Variants in OR4A16 observed in about 807,000 individuals in gnomAD.
The protein encoded by OR4A16 is olfactory receptor family 4 subfamily A member 16.
For missense variants in OR4A16, 594 were observed against 390.9 expected (o/e 1.52, Z -4.38); for synonymous variants, 210 against 138.6 (o/e 1.51, Z -3.62).
chr11:55,343,991 C>T lies in OR4A16; in HGVS notation c.791C>T (p.Pro264Leu), dbSNP rs138375517. 4 of 1,613,232 alleles carry T rather than the reference C, an allele frequency of 2.5e-6. No homozygotes were observed. Among genetic ancestry groups the T allele is most frequent in the African/African-American group, 2.7e-5 (2 of 74,868 alleles). Reference protein sequence around the residue: ...FMYVRPVSNFPFDKLMTVFYS... With the variant: ...FMYVRPVSNFLFDKLMTVFYS... Reference sequence around the variant, plus strand: ...TATGTTAGACCCGTTTCCAACTTTCCCTTTGATAAATTAATGACTGTGTTT... The same window carrying T: ...TATGTTAGACCCGTTTCCAACTTTCTCTTTGATAAATTAATGACTGTGTTT... Residue 264 changes from proline to leucine, a missense_variant, in exon 1 of 1, where the codon CCC (proline) becomes CTC (leucine). Coordinates refer to ENST00000314721, the MANE Select transcript of OR4A16 (RefSeq NM_001005274.1).
chr11:55,343,653 T>A lies in OR4A16; in HGVS notation c.453T>A (p.Phe151Leu). The change falls in exon 1 of 1, where the codon TTT (phenylalanine) becomes TTA (leucine). Residue 151 changes from phenylalanine to leucine, a missense_variant. Physicochemically the swap from Phe to Leu is conservative, Grantham distance 22 (BLOSUM62 0). Transcript: ENST00000314721. ...TGGTGGTGGCCATGATTGGAGGTTT[T>A]GTGCACTCTGTGGTTCAAATTGTCT... ...LLLVVAMIGG[F>L]VHSVVQIVFL... is the part of the protein sequence containing the mutation. The A allele has an allele frequency of 6.2e-7, 1 of 1,613,930 alleles. No individual in the cohort carries two copies. Among genetic ancestry groups the A allele is most frequent in the Non-Finnish European group, 8.5e-7 (1 of 1,179,906 alleles).
Position 55,343,313 on chromosome 11 carries a change from T to A in OR4A16, c.113T>A (p.Val38Glu). Reference protein sequence around the residue: ...MFLLIYIVTMVGNLLIWVTTI... With the variant: ...MFLLIYIVTMEGNLLIWVTTI... ...TTACTCATATACATTGTGACAATGG[T>A]GGGAAACCTCCTCATTTGGGTGACT... is the stretch of plus-strand genomic sequence containing the variant. Residue 38 changes from valine (V) to glutamate (E), a missense_variant, in exon 1 of 1, where the codon GTG becomes GAG. Coordinates refer to ENST00000314721, the MANE Select transcript of OR4A16 (RefSeq NM_001005274.1). 6.2e-7 allele frequency: 1 copy of A among 1,613,746 alleles called. No individual in the cohort carries two copies. Among genetic ancestry groups the A allele is most frequent in the South Asian group, 1.1e-5 (1 of 91,076 alleles).
Position 55,343,722 on chromosome 11 carries a change from CTCTG to C in OR4A16, c.528_531del (p.Cys177ThrfsTer16), listed in dbSNP as rs747524824. On this transcript the variant is annotated frameshift_variant, in exon 1 of 1. Coordinates refer to ENST00000314721, the MANE Select transcript of OR4A16 (RefSeq NM_001005274.1). LOFTEE classifies it low-confidence loss of function (END_TRUNC). ...TCTGTGGCCCCAATGTTATTGACCA[CTCTG>C]TCTGTGACATGTACCCATTGTTGGA... is the stretch of plus-strand genomic sequence containing the variant. 2.5e-6 allele frequency: 4 copies of C among 1,613,760 alleles called. No individual in the cohort carries two copies. Among genetic ancestry groups the C allele is most frequent in the South Asian group, 2.2e-5 (2 of 91,082 alleles).
In OR4A16 at chr11:55,343,271, C is replaced by A. The variant is rs757963604; in HGVS notation, c.71C>A (p.Thr24Lys). The A allele has an allele frequency of 3.7e-6, 6 of 1,612,880 alleles. No homozygotes were observed. The Admixed American group carries it at 8.3e-5, about 22-fold the overall frequency. ...ACTCAAGATCCTGATGTGAAAAAAA[C>A]ATTATTTGTCATGTTTTTACTCATA... The part of the protein sequence containing the change: ...GLTQDPDVKK[T>K]LFVMFLLIYI... Residue 24 changes from threonine to lysine, a missense_variant, in exon 1 of 1, where the codon ACA becomes AAA. Physicochemically the swap from Thr to Lys is moderately conservative, Grantham distance 78. Transcript: ENST00000314721.
In OR4A16 at chr11:55,344,178, T is replaced by C. The variant is rs1341763306; in HGVS notation, c.978T>C (p.Asn326=). The C allele has an allele frequency of 1.9e-6, 3 of 1,575,880 alleles. No individual in the cohort carries two copies. The African/African-American group carries it at 4.1e-5, about 21-fold the overall frequency. The change falls in exon 1 of 1, where the codon AAT becomes AAC. Residue 326 remains asparagine, a synonymous_variant. Coordinates refer to ENST00000314721, the MANE Select transcript of OR4A16 (RefSeq NM_001005274.1). ...NIFIPSSKAT[N]RR ...TTATTCCTAGTTCTAAGGCAACAAATAGGCGGTAAAATACTGCAGTCAATT... is the reference window on the plus strand; with the variant it reads ...TTATTCCTAGTTCTAAGGCAACAAACAGGCGGTAAAATACTGCAGTCAATT...
chr11:55,343,704 C>T lies in OR4A16; in HGVS notation c.504C>T (p.Gly168=), dbSNP rs1369246972. The part of the protein sequence containing the change: ...IVFLYSLPIC[G]PNVIDHSVCD... ...TTCTGTACAGTCTACCAATCTGTGG[C>T]CCCAATGTTATTGACCACTCTGTCT... is the stretch of plus-strand genomic sequence containing the variant. The change falls in exon 1 of 1, where the codon GGC becomes GGT. Residue 168 remains glycine, a synonymous_variant. Coordinates refer to ENST00000314721, the MANE Select transcript of OR4A16 (RefSeq NM_001005274.1). 7 of 1,613,718 alleles carry T rather than the reference C, an allele frequency of 4.3e-6. No homozygotes were observed. The highest frequency in any genetic ancestry group is 5.1e-6 in the Non-Finnish European group (6 of 1,179,912).
Position 55,343,452 on chromosome 11 carries a change from C to G in OR4A16, c.252C>G (p.Leu84=), listed in dbSNP as rs150328499. The change falls in exon 1 of 1, where the codon CTC becomes CTG. Residue 84 remains leucine (L), a synonymous_variant. Transcript: ENST00000314721. ...CACCCAAATTGATGATAGACTTACT[C>G]TGTGATAAAATCGCTATTTCCTTGT... The part of the protein sequence containing the change: ...AMSPKLMIDL[L]CDKIAISLSA... 1.9e-6 allele frequency: 3 copies of G among 1,602,300 alleles called. No individual in the cohort carries two copies. Among genetic ancestry groups the G allele is most frequent in the East Asian group, 2.2e-5 (1 of 44,820 alleles).
chr11:55,343,323 C>T lies in OR4A16; in HGVS notation c.123C>T (p.Leu41=). The part of the protein sequence containing the change: ...LIYIVTMVGN[L]LIWVTTIGSP... Reference sequence around the variant, plus strand: ...ACATTGTGACAATGGTGGGAAACCTCCTCATTTGGGTGACTACTATTGGCA... The same window carrying T: ...ACATTGTGACAATGGTGGGAAACCTTCTCATTTGGGTGACTACTATTGGCA... Residue 41 remains leucine (L), a synonymous_variant, in exon 1 of 1, where the codon CTC becomes CTT. Coordinates refer to ENST00000314721, the MANE Select transcript of OR4A16 (RefSeq NM_001005274.1). The T allele has an allele frequency of 6.2e-7, 1 of 1,613,774 alleles. No individual in the cohort carries two copies. The highest frequency in any genetic ancestry group is 8.5e-7 in the Non-Finnish European group (1 of 1,179,866).
At position 55,343,587 on chromosome 11, in the gene OR4A16, C is replaced by G. The variant is rs561603770; in HGVS notation, c.387C>G (p.His129Gln). 2.5e-6 allele frequency: 4 copies of G among 1,613,934 alleles called. No individual in the cohort carries two copies. Among genetic ancestry groups the G allele is most frequent in the South Asian group, 1.1e-5 (1 of 91,078 alleles). ...DRYVAISKPL[H>Q]YLNIMNRLVC... ...ATGTGGCTATCTCTAAGCCGCTGCA[C>G]TATTTGAACATCATGAATCGACTGG... The change falls in exon 1 of 1, where the codon CAC becomes CAG. Residue 129 changes from histidine to glutamine, a missense_variant. By Grantham distance (24) the His-to-Gln change is conservative. Transcript: ENST00000314721.
At position 55,343,761 on chromosome 11, in the gene OR4A16, C is replaced by A; in HGVS notation, c.561C>A (p.Cys187Ter). Residue 187 changes from cysteine (C) to a stop codon, truncating the protein, a stop_gained, in exon 1 of 1, where the codon TGC (cysteine) becomes TGA (stop). Transcript: ENST00000314721. LOFTEE classifies it low-confidence loss of function (END_TRUNC). ...TGTACCCATTGTTGGAACTGTTGTG[C>A]CTTGACACCTACTTTATAGGACTCA... ...CDMYPLLELLCLDTYFIGLTV... is the reference protein window; with the variant it reads ...CDMYPLLELL The A allele has an allele frequency of 6.2e-7, 1 of 1,613,720 alleles. No individual in the cohort carries two copies. Among genetic ancestry groups the A allele is most frequent in the Non-Finnish European group, 8.5e-7 (1 of 1,179,768 alleles).
rs202043396 is a variant in OR4A16, at chr11:55,343,490, G to A, written c.290G>A (p.Gly97Asp). 2 of 1,613,914 alleles carry A rather than the reference G, an allele frequency of 1.2e-6. No homozygotes were observed. The highest frequency in any genetic ancestry group is 1.7e-5 in the Admixed American group (1 of 59,978). ...GCTATTTCCTTGTCAGCTTGCATGGGTCAGCTCTTCATAGAACACTTACTT... is the reference window on the plus strand; with the variant it reads ...GCTATTTCCTTGTCAGCTTGCATGGATCAGCTCTTCATAGAACACTTACTT... ...KIAISLSACMGQLFIEHLLGG... is the reference protein window; with the variant it reads ...KIAISLSACMDQLFIEHLLGG... Residue 97 changes from glycine to aspartate, a missense_variant, in exon 1 of 1, where the codon GGT becomes GAT. Coordinates refer to ENST00000314721, the MANE Select transcript of OR4A16 (RefSeq NM_001005274.1).
chr11:55,343,893 G>T lies in OR4A16; in HGVS notation c.693G>T (p.Arg231Ser). The T allele has an allele frequency of 1.2e-6, 2 of 1,613,716 alleles. No homozygotes were observed. Among genetic ancestry groups the T allele is most frequent in the Non-Finnish European group, 1.7e-6 (2 of 1,179,900 alleles). The change falls in exon 1 of 1, where the codon AGG becomes AGT. Residue 231 changes from arginine to serine, a missense_variant. By Grantham distance (110) the Arg-to-Ser change is moderately radical. Transcript: ENST00000314721. ...TTAAAACTTACAGTCAGGAAGAGAG[G>T]CATAAAGCCCTGCCTACCTGCATCT... Reference protein sequence around the residue: ...NFLKTYSQEERHKALPTCISH... With the variant: ...NFLKTYSQEESHKALPTCISH...
At position 55,343,663 on chromosome 11, in the gene OR4A16, GT is replaced by G; in HGVS notation, c.464del (p.Val155GlyfsTer39). 2 of 1,613,864 alleles carry G rather than the reference GT, an allele frequency of 1.2e-6. No individual in the cohort carries two copies. The highest frequency in any genetic ancestry group is 1.7e-6 in the Non-Finnish European group (2 of 1,179,886). ...CATGATTGGAGGTTTTGTGCACTCTGTGGTTCAAATTGTCTTTCTGTACAGT... is the reference window on the plus strand; with the variant it reads ...CATGATTGGAGGTTTTGTGCACTCTGGGTTCAAATTGTCTTTCTGTACAGT... ...VAMIGGFVHS[V>X]VQIVFLYSLP... On this transcript the variant is annotated frameshift_variant, in exon 1 of 1. Transcript: ENST00000314721. LOFTEE classifies it low-confidence loss of function (END_TRUNC).
rs906630278 is a variant in OR4A16, at chr11:55,343,211, G to A, written c.11G>A (p.Ser4Asn). The A allele has an allele frequency of 5.6e-6, 9 of 1,598,602 alleles. No homozygotes were observed. The African/African-American group carries it at 8.1e-5, about 14-fold the overall frequency. ...TTGAAAGAAGAGTAAATGAGACCAA[G>A]CAGCAATGTTACAGAATTTGTCCTC... The part of the protein sequence containing the change: MRP[S>N]SNVTEFVLLG... The change falls in exon 1 of 1, where the codon AGC becomes AAC. Residue 4 changes from serine to asparagine, a missense_variant. By Grantham distance (46) the Ser-to-Asn change is conservative. Coordinates refer to ENST00000314721, the MANE Select transcript of OR4A16 (RefSeq NM_001005274.1).
Position 55,344,065 on chromosome 11 carries a change from C to G in OR4A16, c.865C>G (p.Gln289Glu). The G allele has an allele frequency of 6.2e-7, 1 of 1,603,116 alleles. No individual in the cohort carries two copies. Among genetic ancestry groups the G allele is most frequent in the Non-Finnish European group, 8.5e-7 (1 of 1,174,112 alleles). The change falls in exon 1 of 1, where the codon CAA (glutamine) becomes GAA (glutamate). Residue 289 changes from glutamine (Q) to glutamate (E), a missense_variant. By Grantham distance (29) the Gln-to-Glu change is conservative (BLOSUM62 2). Coordinates refer to ENST00000314721, the MANE Select transcript of OR4A16 (RefSeq NM_001005274.1). ...GAATCCTTTAATATACTCGTTGAGA[C>G]AATCAGAGATGAAAAATGCTATGAA... ...MLNPLIYSLR[Q>E]SEMKNAMKNL...
At position 55,343,799 on chromosome 11, in the gene OR4A16, A is replaced by G. The variant is rs756663590; in HGVS notation, c.599A>G (p.Asn200Ser). The change falls in exon 1 of 1, where the codon AAT becomes AGT. Residue 200 changes from asparagine to serine, a missense_variant. Asn to Ser is a conservative substitution (Grantham distance 46, BLOSUM62 1). Transcript: ENST00000314721. ...TTTATAGGACTCACTGTGGTTGCCA[A>G]TGGTGGAATAATTTGTATGGTCATC... The part of the protein sequence containing the change: ...TYFIGLTVVA[N>S]GGIICMVIFT... 19 of 1,613,862 alleles carry G rather than the reference A, an allele frequency of 1.2e-5. No individual in the cohort carries two copies. The highest frequency in any genetic ancestry group is 8.9e-5 in the East Asian group (4 of 44,826).
In OR4A16 at chr11:55,343,509, C is replaced by G. The variant is rs749486335; in HGVS notation, c.309C>G (p.His103Gln). Reference sequence around the variant, plus strand: ...GCATGGGTCAGCTCTTCATAGAACACTTACTTGGTGGTGCAGAGGTCTTCC... The same window carrying G: ...GCATGGGTCAGCTCTTCATAGAACAGTTACTTGGTGGTGCAGAGGTCTTCC... Reference protein sequence around the residue: ...SACMGQLFIEHLLGGAEVFLL... With the variant: ...SACMGQLFIEQLLGGAEVFLL... Residue 103 changes from histidine (H) to glutamine (Q), a missense_variant, in exon 1 of 1, where the codon CAC becomes CAG. Coordinates refer to ENST00000314721, the MANE Select transcript of OR4A16 (RefSeq NM_001005274.1). 20 of 1,613,792 alleles carry G rather than the reference C, an allele frequency of 1.2e-5. No homozygotes were observed. The highest frequency in any genetic ancestry group is 1.2e-4 in the African/African-American group (9 of 74,902).
At position 55,343,445 on chromosome 11, in the gene OR4A16, A is replaced by G. The variant is rs777900222; in HGVS notation, c.245A>G (p.Asp82Gly). The change falls in exon 1 of 1, where the codon GAC (aspartate) becomes GGC (glycine). Residue 82 changes from aspartate to glycine, a missense_variant. Asp to Gly is a moderately conservative substitution (Grantham distance 94). Coordinates refer to ENST00000314721, the MANE Select transcript of OR4A16 (RefSeq NM_001005274.1). ...GCCATGTCACCCAAATTGATGATAG[A>G]CTTACTCTGTGATAAAATCGCTATT... is the stretch of plus-strand genomic sequence containing the variant. ...STAMSPKLMI[D>G]LLCDKIAISL... is the part of the protein sequence containing the mutation. 9 of 1,613,850 alleles carry G rather than the reference A, an allele frequency of 5.6e-6. No homozygotes were observed. Among genetic ancestry groups the G allele is most frequent in the Admixed American group, 1.7e-5 (1 of 59,958 alleles).
chr11:55,343,255 C>T lies in OR4A16; in HGVS notation c.55C>T (p.Pro19Ser). 1 of 1,612,282 alleles carries T rather than the reference C, an allele frequency of 6.2e-7. No individual in the cohort carries two copies. The highest frequency in any genetic ancestry group is 8.5e-7 in the Non-Finnish European group (1 of 1,179,350). The part of the protein sequence containing the change: ...EFVLLGLTQD[P>S]DVKKTLFVMF... ...TGTCCTCCTGGGCCTCACTCAAGAT[C>T]CTGATGTGAAAAAAACATTATTTGT... Residue 19 changes from proline to serine, a missense_variant, in exon 1 of 1, where the codon CCT becomes TCT. Pro to Ser is a moderately conservative substitution (Grantham distance 74). Transcript: ENST00000314721.
Sources: allele counts gnomAD v4.1 joint callset, GRCh38; gene constraint gnomAD v4.1.1; transcripts MANE v1.5; gene names NCBI Gene and HGNC (gene_info 2026-07-23, HGNC 2026-07-21).